UGT1A9: variants seen among roughly 807,000 people sequenced by gnomAD.
UGT1A9 encodes the protein UDP glucuronosyltransferase family 1 member A9, also known as UDP-glucuronosyltransferase 1A9.
UGT1A9 carries 35 observed loss-of-function variants against 45.0 expected under a neutral mutation model. That is an observed-to-expected ratio of 0.78 (90% CI 0.59 to 1.03). The LOEUF (loss-of-function observed/expected upper bound fraction) is 1.03. Ranked by LOEUF, UGT1A9 falls within the 50% of genes least tolerant of loss-of-function variation. The pLI is 0.00. For synonymous variants in UGT1A9, 278 were observed against 250.6 expected (o/e 1.11, Z -1.03); for missense variants, 687 against 666.6 (o/e 1.03, Z -0.34).
intron 1 of UGT1A9, among the ~76,000 whole-genome samples, chr2:233,735,332 CCCT>C (rs1370680627): frequency 6.6e-6 from 1 of 151,862 alleles, no homozygotes; most frequent in Non-Finnish European, 1.5e-5. Flanking sequence ...GGATTGCAAC[CCCT>C]GCTTTTTTTT....
rs1199920513 is a variant in UGT1A9, at chr2:233,767,073, A to G, written c.895A>G (p.Ile299Val). The change falls in exon 2 of 5, where the codon ATT becomes GTT. Residue 299 changes from isoleucine (I) to valine (V), a missense_variant. Coordinates refer to ENST00000354728, the MANE Select transcript of UGT1A9 (RefSeq NM_021027.3). ...CATTAATGCTTCTGGAGAACATGGA[A>G]TTGTGGTTTTCTCTTTGGGATCAAT... is the stretch of plus-strand genomic sequence containing the variant. Reference protein sequence around the residue: ...AYINASGEHGIVVFSLGSMVS... With the variant: ...AYINASGEHGVVVFSLGSMVS... 3.1e-6 allele frequency: 5 copies of G among 1,614,112 alleles called. No homozygotes were observed. Among genetic ancestry groups the G allele is most frequent in the Non-Finnish European group, 3.4e-6 (4 of 1,179,992 alleles).
intron 1 of UGT1A9, chr2:233,754,417 C>A (rs964577009): frequency 5.9e-6 from 2 of 341,006 alleles, no homozygotes; most frequent in Non-Finnish European, 1.2e-5. Flanking sequence ...ACAATAAAGA[C>A]AGGCATTGGC....
chr2:233,759,599 A>ACCCCCCCCCCCCCCC (rs1553620419), intron 1 of UGT1A9, among the ~76,000 whole-genome samples: 9 of 108,734 alleles, frequency 8.3e-5, no homozygotes, highest in African/African-American at 2.3e-4. Flanking sequence ...CCCACCCCCG[A>ACCCCCCCCCCCCCCC]CCCGCCCCAC....
intron 1 of UGT1A9, among the ~76,000 whole-genome samples, chr2:233,745,961 G>C (rs1163113013): frequency 6.6e-6 from 1 of 151,702 alleles, no homozygotes; most frequent in Non-Finnish European, 1.5e-5. Context: ...TGGGGGACAG[G>C]GGCCCTGAAA....
chr2:233,742,737 C>A (rs1559386227), intron 1 of UGT1A9: 1 of 152,816 alleles, frequency 6.5e-6, no homozygotes, highest in Non-Finnish European at 1.5e-5. Flanking sequence ...ATTCAAATGT[C>A]TGACCTCCAA....
At chr2:233,682,930 T>C in intron 1 of UGT1A9, 1 of 1,457,526 alleles carries the variant, frequency 6.9e-7, no homozygotes. Context: ...TTTGTACCAA[T>C]TCACTTAATT....
intron 4 of UGT1A9, among the ~76,000 whole-genome samples, chr2:233,768,674 C>T (rs1339439419): frequency 6.7e-6 from 1 of 148,950 alleles, no homozygotes; most frequent in Non-Finnish European, 1.5e-5. Context: ...GCAACCTCCA[C>T]CTCCCACGTT....
Position 233,693,709 on chromosome 2 carries a change from T to G in UGT1A9, c.855+20920T>G, listed in dbSNP as rs2075176128. ...CAAAGTATGAAGAACTCGCATCAGC[T>G]GTCCTCAAGAGAGATGTGGATATAA... On this transcript the variant is annotated intron_variant, in intron 1 of 4. Transcript: ENST00000354728. 3 of 1,614,230 alleles carry G rather than the reference T, an allele frequency of 1.9e-6. No homozygotes were observed. In the East Asian group the frequency reaches 6.7e-5, roughly 36 times the overall value.
At chr2:233,766,771 C>A (rs71528513) in intron 1 of UGT1A9, among the ~76,000 whole-genome samples, 1 of 152,170 alleles carries the variant, frequency 6.6e-6, no homozygotes, top group Admixed American at 6.5e-5. Flanking sequence ...TGTACCTGTG[C>A]TTTTCTTTTG....
At chr2:233,676,385 T>C (rs2074358961) in intron 1 of UGT1A9, among the ~76,000 whole-genome samples, 1 of 152,228 alleles carries the variant, frequency 6.6e-6, no homozygotes, top group African/African-American at 2.4e-5. Flanking sequence ...ACAAATAGTT[T>C]AGAGAATTTT....
chr2:233,730,367 A>T (rs2078022058), intron 1 of UGT1A9, among the ~76,000 whole-genome samples: 1 of 152,122 alleles, frequency 6.6e-6, no homozygotes, highest in Admixed American at 6.5e-5. Context: ...TGCTAGCATG[A>T]TTTTCAGGGG....
At chr2:233,676,368 G>A (rs1384579601) in intron 1 of UGT1A9, among the ~76,000 whole-genome samples, 1 of 152,134 alleles carries the variant, frequency 6.6e-6, no homozygotes, top group Non-Finnish European at 1.5e-5. Flanking sequence ...ATTATAGCAA[G>A]GTTACAACAA....
intron 1 of UGT1A9, chr2:233,682,575 A>G (rs748487831): frequency 8.7e-6 from 14 of 1,613,882 alleles, no homozygotes; most frequent in Non-Finnish European, 1.1e-5. Context: ...CACATCATGC[A>G]CTTGGAGGAA....
At chr2:233,674,042 G>T (rs2074271544) in intron 1 of UGT1A9, among the ~76,000 whole-genome samples, 1 of 152,182 alleles carries the variant, frequency 6.6e-6, no homozygotes, top group South Asian at 2.1e-4. Context: ...CAAATGTGTA[G>T]TTGGCTGAAT....
At chr2:233,753,145 T>C (rs1695138672) in intron 1 of UGT1A9, 1 of 152,202 alleles carries the variant, frequency 6.6e-6, no homozygotes, top group Non-Finnish European at 1.5e-5. Flanking sequence ...TCTTCACACA[T>C]GTAAGTTCCC....
At chr2:233,751,259 GC>G (rs1694681470) in intron 1 of UGT1A9, among the ~76,000 whole-genome samples, 1 of 151,926 alleles carries the variant, frequency 6.6e-6, no homozygotes. Flanking sequence ...GGGGCCTGTA[GC>G]CCCCTTTTTT....
At chr2:233,690,704 C>T (rs1172812286) in intron 1 of UGT1A9, 18 of 1,229,320 alleles carry the variant, frequency 1.5e-5, no homozygotes, top group African/African-American at 1.6e-5. Flanking sequence ...CTTTAGGGAT[C>T]GTCATTATGA....
chr2:233,729,726 C>T, intron 1 of UGT1A9: 2 of 1,613,934 alleles, frequency 1.2e-6, no homozygotes, highest in African/African-American at 2.7e-5. Context: ...TACTAACAAC[C>T]AATTCAGACC....
At chr2:233,734,911 G>C (rs1486210050) in intron 1 of UGT1A9, among the ~76,000 whole-genome samples, 1 of 152,162 alleles carries the variant, frequency 6.6e-6, no homozygotes, top group African/African-American at 2.4e-5. Context: ...TTTTACATTT[G>C]CTAAGGAGTG....
Sources: gnomAD v4.1 joint callset for allele counts (sites outside exome capture counted in the v4.1 genomes callset) on GRCh38, gnomAD v4.1.1 for gene constraint, MANE v1.5 for transcripts, NCBI Gene and HGNC (gene_info 2026-07-23, HGNC 2026-07-21) for gene names.